ARHGAP44: variants seen among roughly 807,000 people sequenced by gnomAD.
ARHGAP44 encodes the protein Rho GTPase activating protein 44, also known as rho GTPase-activating protein 44.
ARHGAP44 carries 43 observed loss-of-function variants against 106.8 expected under a neutral mutation model. The observed-to-expected ratio is 0.40, with a 90% CI of 0.32 to 0.52. The LOEUF is 0.52. Among genes scored for constraint, ARHGAP44 ranks in the 20% least tolerant of loss-of-function variants. The pLI is 0.48. For synonymous variants in ARHGAP44, 439 were observed against 410.3 expected (o/e 1.07, Z -0.85); for missense variants, 866 against 1,050.5 (o/e 0.82, Z 2.43).
In ARHGAP44 at chr17:12,949,946, T is replaced by C. The variant is rs1253511195; in HGVS notation, c.1055+216T>C. Among the ~76,000 whole-genome samples, 2 of 152,072 alleles carry C rather than the reference T, an allele frequency of 1.3e-5. No homozygotes were observed. Among genetic ancestry groups the C allele is most frequent in the South Asian group, 2.1e-4 (1 of 4,826 alleles). On this transcript the variant is annotated intron_variant, in intron 12 of 20. Coordinates refer to ENST00000379672, the MANE Select transcript of ARHGAP44 (RefSeq NM_014859.6). The surrounding 1 kb of genome is among the most constrained non-coding windows in gnomAD (Gnocchi z 4.1). ...AAGCCTAGAAGTCACTAAAGATTCATTGGAGAAGGGGGTTGGGAAGTGGCT... is the reference window on the plus strand; with the variant it reads ...AAGCCTAGAAGTCACTAAAGATTCACTGGAGAAGGGGGTTGGGAAGTGGCT...
Position 12,789,736 on chromosome 17 carries a change from C to G in ARHGAP44, c.-103C>G. On this transcript the variant is annotated 5_prime_UTR_variant, in exon 1 of 21. Transcript: ENST00000379672. ...CCCGGAGGCTCCGCAGTGCCGCCGC[C>G]GTCGCCCGGGAGGCTCCGCGCGGGA... is the stretch of plus-strand genomic sequence containing the variant. The G allele has an allele frequency of 2.7e-6, 3 of 1,127,556 alleles. No individual in the cohort carries two copies. Among genetic ancestry groups the G allele is most frequent in the Non-Finnish European group, 3.5e-6 (3 of 861,416 alleles). The allele number at this position is 1,127,556 out of a possible 1,614,324, so 69.8% of individuals were successfully genotyped here. A position where few individuals can be genotyped will look rare whatever the true frequency, so the allele number is the denominator to read the frequency against.
chr17:12,857,037 A>G (rs9989435), intron 1 of ARHGAP44, among the ~76,000 whole-genome samples: 259 of 152,262 alleles, frequency 1.7e-3, no homozygotes, highest in Non-Finnish European at 3.3e-3. Context: ...CACATTTTAG[A>G]TATATATAAA....
intron 6 of ARHGAP44, among the ~76,000 whole-genome samples, chr17:12,922,856 TTA>T (rs2038125507): frequency 6.6e-6 from 1 of 151,942 alleles, no homozygotes; most frequent in East Asian, 1.9e-4. Context: ...AAGTCTAGAG[TTA>T]TGTTTTCAGT....
intron 1 of ARHGAP44, among the ~76,000 whole-genome samples, chr17:12,865,851 T>C (rs1462321484): frequency 5.9e-5 from 9 of 152,120 alleles, no homozygotes; most frequent in Non-Finnish European, 1.3e-4. Context: ...ATATGTCATT[T>C]AGTATAAGGA....
chr17:12,867,720 A>G (rs573047271), intron 1 of ARHGAP44, among the ~76,000 whole-genome samples: 15 of 152,280 alleles, frequency 9.9e-5, no homozygotes, highest in Non-Finnish European at 1.8e-4. Flanking sequence ...CTTTTTTTCA[A>G]TGACAGATAT....
intron 1 of ARHGAP44, among the ~76,000 whole-genome samples, chr17:12,872,137 T>G (rs917174038): frequency 1.3e-5 from 2 of 152,254 alleles, no homozygotes; most frequent in Admixed American, 6.5e-5. Flanking sequence ...TCTGTGACTT[T>G]TCTTTGATTC....
intron 1 of ARHGAP44, among the ~76,000 whole-genome samples, chr17:12,849,988 G>T (rs1597936824): frequency 6.6e-6 from 1 of 152,218 alleles, no homozygotes; most frequent in Non-Finnish European, 1.5e-5. Context: ...AGAGCATTCA[G>T]ATTTCCCTTA....
Position 12,929,044 on chromosome 17 carries a change from A to G in ARHGAP44, c.580A>G (p.Arg194Gly). Residue 194 changes from arginine (R) to glycine (G), a missense_variant and splice_region_variant, in exon 7 of 21, where the codon AGG (arginine) becomes GGG (glycine). Coordinates refer to ENST00000379672, the MANE Select transcript of ARHGAP44 (RefSeq NM_014859.6). ...GGCTGCCAACAGAGTGGAGATTTGC[A>G]GGGTACCTGCCCTCTTTGCTCCTCT... Reference protein sequence around the residue: ...EEAANRVEICRDQLSADMYSF... With the variant: ...EEAANRVEICGDQLSADMYSF... 6.2e-7 allele frequency: 1 copy of G among 1,610,112 alleles called. No individual in the cohort carries two copies.
intron 1 of ARHGAP44, chr17:12,790,448 G>C (rs1002436947): frequency 2.0e-5 from 3 of 153,236 alleles, no homozygotes; most frequent in African/African-American, 7.2e-5. Flanking sequence ...GGCGTTTGGT[G>C]GGGGGAAAGG....
chr17:12,990,199 GTACA>G lies in ARHGAP44; in HGVS notation c.*34_*37del. 1 of 1,594,984 alleles carries G rather than the reference GTACA, an allele frequency of 6.3e-7. No homozygotes were observed. On this transcript the variant is annotated 3_prime_UTR_variant, in exon 21 of 21. Transcript: ENST00000379672. ...TGACACCGCCCATCCTGCCTCGCGT[GTACA>G]TACATCACGGGCCCTAGGAACGCCG...
At chr17:12,877,535 A>G (rs962277343) in intron 1 of ARHGAP44, among the ~76,000 whole-genome samples, 4 of 152,204 alleles carry the variant, frequency 2.6e-5, no homozygotes, top group Non-Finnish European at 5.9e-5. Flanking sequence ...AAAGAACTTT[A>G]AAAAATGACC....
intron 3 of ARHGAP44, among the ~76,000 whole-genome samples, chr17:12,908,266 G>C (rs543038783): frequency 5.7e-4 from 79 of 138,710 alleles, no homozygotes; most frequent in African/African-American, 2.2e-3. Context: ...GCACAATCTC[G>C]GCTCACTGCA....
At chr17:12,860,535 G>C (rs540576773) in intron 1 of ARHGAP44, among the ~76,000 whole-genome samples, 1 of 152,312 alleles carries the variant, frequency 6.6e-6, no homozygotes, top group South Asian at 2.1e-4. Flanking sequence ...AGGCAACATG[G>C]TGAAGCTCTA....
intron 19 of ARHGAP44, among the ~76,000 whole-genome samples, chr17:12,981,606 C>T (rs2039832637): frequency 6.6e-6 from 1 of 151,866 alleles, no homozygotes; most frequent in Non-Finnish European, 1.5e-5. Flanking sequence ...CCATGTTGGC[C>T]AGACTGGTCT....
intron 7 of ARHGAP44, among the ~76,000 whole-genome samples, chr17:12,935,679 A>AT (rs2038526244): frequency 6.6e-6 from 1 of 152,158 alleles, no homozygotes; most frequent in Non-Finnish European, 1.5e-5. Flanking sequence ...ATTAGGAAAT[A>AT]TTTTTTAAGT....
At chr17:12,928,881 C>T (rs557934820) in intron 6 of ARHGAP44, 48 bp from the exon 7 acceptor site, 1 of 1,518,528 alleles carries the variant, frequency 6.6e-7, no homozygotes, top group African/African-American at 1.4e-5. Flanking sequence ...CATGGGATCC[C>T]CAGGGCTCTA....
chr17:12,944,226 C>CG (rs1555561318), intron 10 of ARHGAP44, 30 bp downstream of exon 10: 2 of 1,564,242 alleles, frequency 1.3e-6, no homozygotes, highest in Admixed American at 1.8e-5. Context: ...CACGCCGCCC[C>CG]GGGCAGGTCT....
intron 1 of ARHGAP44, among the ~76,000 whole-genome samples, chr17:12,821,648 C>G (rs945992429): frequency 4.6e-5 from 7 of 152,148 alleles, no homozygotes; most frequent in Non-Finnish European, 1.0e-4. Context: ...TCCTAAAACA[C>G]CAACTAGAGA....
chr17:12,947,379 G>A (rs720048), intron 10 of ARHGAP44, among the ~76,000 whole-genome samples: 16,062 of 152,050 alleles, frequency 0.11, 939 homozygotes, highest in East Asian at 0.17. Context: ...GACCACAGGG[G>A]CATCAGGGTT....
Sources: allele counts gnomAD v4.1 joint callset (sites outside exome capture counted in the v4.1 genomes callset), GRCh38; gene constraint gnomAD v4.1.1; non-coding constraint Gnocchi (gnomAD v3.1); transcripts MANE v1.5; gene names NCBI Gene and HGNC (gene_info 2026-07-23, HGNC 2026-07-21).